The following MSN variants were observed in gnomAD, a reference collection of about 807,000 sequenced individuals.
MSN encodes epididymis luminal protein 70.
A neutral mutation model predicts 48.0 loss-of-function variants in MSN; 2 were observed. That is an observed-to-expected ratio of 0.04 (90% CI 0.02 to 0.13). The LOEUF is 0.13. Among genes scored for constraint, MSN ranks in the 10% least tolerant of loss-of-function variants. MSN has a pLI of 1.00. For missense variants in MSN, 267 were observed against 470.1 expected (o/e 0.57, Z 3.99); for synonymous variants, 146 against 166.9 (o/e 0.87, Z 0.97).
chrX:65,671,961 A>T (rs1422185366), intron 1 of MSN, among the ~76,000 whole-genome samples: 1 of 112,319 alleles, frequency 8.9e-6, no homozygotes, highest in Non-Finnish European at 1.9e-5. Flanking sequence ...TCCTCCTCCC[A>T]TGAAACTACT....
intron 1 of MSN, among the ~76,000 whole-genome samples, chrX:65,700,338 G>A (rs1463412278): frequency 8.9e-6 from 1 of 111,758 alleles, no homozygotes; most frequent in African/African-American, 3.3e-5. Flanking sequence ...GTTTCTGTCA[G>A]GTATTTGTGA....
At chrX:65,621,768 A>T (rs1413551435) in intron 1 of MSN, among the ~76,000 whole-genome samples, 1 of 112,504 alleles carries the variant, frequency 8.9e-6, no homozygotes, top group Non-Finnish European at 1.9e-5. Context: ...TTAACATGGA[A>T]TGCTTTTTGT....
At chrX:65,635,161 T>C (rs1012963146) in intron 1 of MSN, among the ~76,000 whole-genome samples, 2 of 111,583 alleles carry the variant, frequency 1.8e-5, no homozygotes, top group Non-Finnish European at 3.8e-5. Flanking sequence ...TGCCCCAGTC[T>C]CTTGGACTGT....
At chrX:65,619,736 T>A (rs2070415193) in intron 1 of MSN, among the ~76,000 whole-genome samples, 2 of 109,482 alleles carry the variant, frequency 1.8e-5, no homozygotes, top group South Asian at 7.4e-4. Context: ...TCCAGCTTTG[T>A]TCCGTTGCTG....
chrX:65,588,782 C>A (rs1467830756), intron 1 of MSN: 3 of 235,032 alleles, frequency 1.3e-5, no homozygotes, highest in Non-Finnish European at 1.9e-5. Flanking sequence ...TGACCCCCAC[C>A]CCCCAACCAT....
At chrX:65,723,366 A>G (rs947746270) in intron 2 of MSN, among the ~76,000 whole-genome samples, 2 of 110,842 alleles carry the variant, frequency 1.8e-5, no homozygotes, top group African/African-American at 3.3e-5. Flanking sequence ...ATCTCCCCCT[A>G]CCCCATCCTA....
At chrX:65,652,208 C>T (rs1340903416) in intron 1 of MSN, among the ~76,000 whole-genome samples, 2 of 110,540 alleles carry the variant, frequency 1.8e-5, no homozygotes, top group Non-Finnish European at 3.8e-5. Context: ...TGTGGAGCAC[C>T]GGAAGGCTGG....
At chrX:65,612,554 GTTT>G (rs368563712) in intron 1 of MSN, among the ~76,000 whole-genome samples, 3 of 101,061 alleles carry the variant, frequency 3.0e-5, no homozygotes, top group African/African-American at 1.1e-4. Flanking sequence ...CTTCGTAATG[GTTT>G]TTTTTTTTTG....
chrX:65,617,724 TTA>T (rs2070389880), intron 1 of MSN, among the ~76,000 whole-genome samples: 1 of 99,083 alleles, frequency 1.0e-5, no homozygotes, highest in South Asian at 4.8e-4. Context: ...TGCTCTGATT[TTA>T]GTTATTTCTT....
At chrX:65,719,338 T>G (rs1044025834) in intron 2 of MSN, among the ~76,000 whole-genome samples, 1 of 112,243 alleles carries the variant, frequency 8.9e-6, no homozygotes, top group Non-Finnish European at 1.9e-5. Flanking sequence ...TCTGGTTATC[T>G]CTCAGAAAAT....
chrX:65,598,895 T>C (rs1247898513), intron 1 of MSN, among the ~76,000 whole-genome samples: 1 of 111,699 alleles, frequency 9.0e-6, no homozygotes, highest in Admixed American at 9.5e-5. Flanking sequence ...CTAGGGTAAG[T>C]TTGGTTCTAT....
intron 1 of MSN, among the ~76,000 whole-genome samples, chrX:65,698,577 C>A (rs940463101): frequency 8.9e-6 from 1 of 112,137 alleles, no homozygotes; most frequent in Non-Finnish European, 1.9e-5. Flanking sequence ...CCCTGCCCCC[C>A]ACTGCTTCTG....
At chrX:65,731,009 C>A in intron 4 of MSN, 98 bp from the exon 5 acceptor site, 1 of 657,186 alleles carries the variant, frequency 1.5e-6, no homozygotes, top group Non-Finnish European at 2.3e-6. Flanking sequence ...ACTCTACATC[C>A]TCTTTGCATC....
chrX:65,656,590 C>G (rs2070782959), intron 1 of MSN, among the ~76,000 whole-genome samples: 1 of 111,047 alleles, frequency 9.0e-6, no homozygotes, highest in Non-Finnish European at 1.9e-5. Flanking sequence ...TTTATGGGAG[C>G]AACTACAGCC....
At chrX:65,674,619 T>C (rs1363248562) in intron 1 of MSN, among the ~76,000 whole-genome samples, 1 of 112,129 alleles carries the variant, frequency 8.9e-6, no homozygotes, top group Admixed American at 9.5e-5. Context: ...GACTCAGCGC[T>C]CCAGCTTGAT....
At position 65,600,910 on chromosome X, in the gene MSN, C is replaced by T. The variant is rs763425140; in HGVS notation, c.-22+12298C>T. Among the ~76,000 whole-genome samples the T allele has an allele frequency of 1.3e-4, 15 of 111,501 alleles. 1 individual carries two copies. Among genetic ancestry groups the T allele is most frequent in the Middle Eastern group, 4.6e-3 (1 of 218 alleles). ...ATTTCCATTCCAGCCTGTGAAATGG[C>T]GAGTGTTCTCATCATGCTTTCTTCT... On this transcript the variant is annotated intron_variant, in intron 1 of 3. Coordinates refer to the MSN transcript ENST00000609672.
At chrX:65,706,965 A>G (rs2071367973) in intron 1 of MSN, among the ~76,000 whole-genome samples, 1 of 111,584 alleles carries the variant, frequency 9.0e-6, no homozygotes. Flanking sequence ...ACTCTTCCAA[A>G]CTTCTCTCCA....
At chrX:65,650,410 A>G (rs1432861656) in intron 1 of MSN, among the ~76,000 whole-genome samples, 1 of 112,096 alleles carries the variant, frequency 8.9e-6, no homozygotes, top group Non-Finnish European at 1.9e-5. Context: ...TTTTCTGAGA[A>G]ATAAAAGATG....
chrX:65,738,718 A>G (rs1031907104), intron 11 of MSN, 101 bp downstream of exon 11: 10 of 808,264 alleles, frequency 1.2e-5, no homozygotes, highest in Admixed American at 1.2e-4. Context: ...TCCCTCTTTC[A>G]TACTTCCCAC....
Sources: allele counts gnomAD v4.1 joint callset (sites outside exome capture counted in the v4.1 genomes callset), GRCh38; gene constraint gnomAD v4.1.1; transcripts MANE v1.5; gene names NCBI Gene and HGNC (gene_info 2026-07-23, HGNC 2026-07-21).